Variants in RIN2 observed in about 807,000 individuals in gnomAD.
RIN2 encodes Ras and Rab interactor 2, also known as RAB5 interacting protein 2.
In RIN2, 36 loss-of-function variants were observed where a neutral mutation model predicts 78.0. That is an observed-to-expected ratio of 0.46 (90% CI 0.35 to 0.61). RIN2 has a LOEUF of 0.61. Ranked by LOEUF, RIN2 falls within the 20% of genes least tolerant of loss-of-function variation. RIN2 has a pLI of 0.00. For synonymous variants in RIN2, 466 were observed against 466.8 expected (o/e 1.00, Z 0.02); for missense variants, 1,087 against 1,159.7 (o/e 0.94, Z 0.91).
intron 4 of RIN2, among the ~76,000 whole-genome samples, chr20:19,944,647 G>T (rs1390447813): frequency 2.0e-5 from 3 of 152,066 alleles, no homozygotes; most frequent in South Asian, 2.1e-4. Flanking sequence ...GGAGAAGCAT[G>T]ATATACATGG....
intron 4 of RIN2, among the ~76,000 whole-genome samples, chr20:19,952,064 A>C (rs953755084): frequency 6.6e-6 from 1 of 152,320 alleles, no homozygotes; most frequent in South Asian, 2.1e-4. Flanking sequence ...GGGATCCAGG[A>C]TGGGAAAGGG....
chr20:19,966,567 G>A (rs979783715), intron 7 of RIN2, among the ~76,000 whole-genome samples: 16 of 151,826 alleles, frequency 1.1e-4, no homozygotes, highest in East Asian at 1.9e-4. Flanking sequence ...CAGGCAATCC[G>A]CCCGCCTCCG....
At chr20:19,876,012 G>T (rs988005024) in intron 2 of RIN2, among the ~76,000 whole-genome samples, 3 of 152,234 alleles carry the variant, frequency 2.0e-5, no homozygotes, top group Admixed American at 1.3e-4. Context: ...TGAGCCTGGG[G>T]TTGTCATTAA....
At chr20:19,771,177 G>C (rs553987348) in intron 1 of RIN2, among the ~76,000 whole-genome samples, 64 of 152,252 alleles carry the variant, frequency 4.2e-4, no homozygotes, top group African/African-American at 1.4e-3. Context: ...TTGGCTATTG[G>C]TGATCAACTT....
At chr20:19,779,213 A>G (rs529370986) in intron 1 of RIN2, among the ~76,000 whole-genome samples, 2 of 152,310 alleles carry the variant, frequency 1.3e-5, no homozygotes, top group Admixed American at 1.3e-4. Context: ...TTTCTGGCTC[A>G]GTTCTCACCT....
chr20:19,843,607 C>T (rs566020848), intron 2 of RIN2, among the ~76,000 whole-genome samples: 47 of 152,182 alleles, frequency 3.1e-4, no homozygotes, highest in Non-Finnish European at 4.7e-4. Context: ...CTTCTACATG[C>T]ACTGGAAAAC....
intron 4 of RIN2, among the ~76,000 whole-genome samples, chr20:19,942,607 C>A (rs1026339119): frequency 3.9e-5 from 6 of 152,134 alleles, no homozygotes; most frequent in African/African-American, 1.4e-4. Context: ...TGATTTAATT[C>A]TTTGCTTTGA....
intron 7 of RIN2, among the ~76,000 whole-genome samples, chr20:19,970,381 T>C (rs1285491750): frequency 6.6e-6 from 1 of 152,228 alleles, no homozygotes; most frequent in East Asian, 1.9e-4. Flanking sequence ...AGCCAACAGA[T>C]ATTCATTGAG....
intron 2 of RIN2, among the ~76,000 whole-genome samples, chr20:19,826,252 A>G (rs2036086745): frequency 6.6e-6 from 1 of 151,718 alleles, no homozygotes; most frequent in Admixed American, 6.6e-5. Flanking sequence ...AAAAAATTCT[A>G]ATAATAAATA....
rs962965543 is a variant in RIN2 at position 19,960,653 on chromosome 20, A to G, written c.352-47A>G. 5.8e-6 allele frequency: 8 copies of G among 1,389,534 alleles called. No individual in the cohort carries two copies. In the African/African-American group the frequency reaches 1.0e-4, roughly 17 times the overall value. The allele number at this position is 1,389,534 out of a possible 1,614,324, so 86.1% of individuals were successfully genotyped here. On this transcript the variant is annotated intron_variant, in intron 5 of 12. Transcript: ENST00000255006. ...AGGGAAACCAGATGCTTGGGTTCCA[A>G]CATTCTAGATATTTCCTAAAGCTTG...
At chr20:19,861,192 G>C (rs1412634264) in intron 2 of RIN2, among the ~76,000 whole-genome samples, 1 of 152,136 alleles carries the variant, frequency 6.6e-6, no homozygotes, top group African/African-American at 2.4e-5. Context: ...TCTTGATCCT[G>C]TCCACCTCCT....
rs568682821 is a variant in RIN2, at chr20:20,000,430, G to A, written c.2365-183G>A. Among the ~76,000 whole-genome samples, 28 of 152,238 alleles carry A rather than the reference G, an allele frequency of 1.8e-4. 2 individuals are homozygous for A. The Middle Eastern group carries it at 0.01, about 55-fold the overall frequency. ...TGCAATGAATCATGTAGTCATCTTCGCCACTGTCCAAAGTCAGATCAGCCT... is the reference window on the plus strand; with the variant it reads ...TGCAATGAATCATGTAGTCATCTTCACCACTGTCCAAAGTCAGATCAGCCT... On this transcript the variant is annotated intron_variant, in intron 12 of 12. Transcript: ENST00000255006.
chr20:19,793,668 T>C (rs1412811486), intron 1 of RIN2, among the ~76,000 whole-genome samples: 1 of 152,232 alleles, frequency 6.6e-6, no homozygotes, highest in Non-Finnish European at 1.5e-5. Flanking sequence ...GCAGAGATGC[T>C]CTAGAAATCT....
chr20:19,783,646 C>A (rs1403839964), intron 1 of RIN2, among the ~76,000 whole-genome samples: 1 of 152,064 alleles, frequency 6.6e-6, no homozygotes, highest in African/African-American at 2.4e-5. Flanking sequence ...TCCCAGGAAA[C>A]CCCTAGGAAA....
intron 4 of RIN2, among the ~76,000 whole-genome samples, chr20:19,946,713 CAAAAAAA>C (rs74180972): frequency 6.4e-5 from 5 of 78,008 alleles, no homozygotes; most frequent in Non-Finnish European, 1.3e-4. Flanking sequence ...GATTCTATCT[CAAAAAAA>C]AAAAAAAAAA....
chr20:19,871,728 G>T (rs954732800), intron 2 of RIN2, among the ~76,000 whole-genome samples: 1 of 152,190 alleles, frequency 6.6e-6, no homozygotes, highest in African/African-American at 2.4e-5. Flanking sequence ...CTACTCTGAA[G>T]GAGGTAGAAC....
intron 6 of RIN2, among the ~76,000 whole-genome samples, chr20:19,963,516 G>C (rs1358245901): frequency 6.6e-6 from 1 of 151,642 alleles, no homozygotes; most frequent in African/African-American, 2.4e-5. Flanking sequence ...GGCTTAGACA[G>C]GAGAATCGCT....
intron 7 of RIN2, among the ~76,000 whole-genome samples, chr20:19,966,638 G>C (rs925643892): frequency 2.0e-5 from 3 of 152,056 alleles, no homozygotes; most frequent in Admixed American, 6.6e-5. Context: ...CCACTAAGCC[G>C]TTCACCCTCT....
intron 2 of RIN2, among the ~76,000 whole-genome samples, chr20:19,829,107 G>A (rs1238763293): frequency 6.6e-6 from 1 of 152,132 alleles, no homozygotes; most frequent in African/African-American, 2.4e-5. Context: ...AATGCTAAGA[G>A]GCTACTGAAA....
Sources: allele counts gnomAD v4.1 joint callset (sites outside exome capture counted in the v4.1 genomes callset), GRCh38; gene constraint gnomAD v4.1.1; transcripts MANE v1.5; gene names NCBI Gene and HGNC (gene_info 2026-07-23, HGNC 2026-07-21).